Variants in PDZRN4 observed in about 807,000 individuals in gnomAD.
PDZRN4 encodes PDZ domain containing ring finger 4.
PDZRN4 carries 70 observed loss-of-function variants against 99.0 expected under a neutral mutation model. The observed-to-expected ratio is 0.71, with a 90% CI of 0.58 to 0.86. PDZRN4 has a LOEUF of 0.86. Among genes scored for constraint, PDZRN4 ranks in the 40% least tolerant of loss-of-function variants. The pLI, the probability that PDZRN4 is intolerant of heterozygous loss-of-function variation, is 0.00. For missense variants in PDZRN4, 1,474 were observed against 1,331.2 expected, an observed-to-expected ratio of 1.11 and a Z score of -1.67; for synonymous variants, 551 against 501.6, an observed-to-expected ratio of 1.10 and a Z score of -1.32.
intron 3 of PDZRN4, among the ~76,000 whole-genome samples, chr12:41,230,128 AG>A (rs1452827438): frequency 6.6e-6 from 1 of 151,992 alleles, no homozygotes; most frequent in African/African-American, 2.4e-5. Context: ...GCTGCTGGGG[AG>A]GGCACTATGT....
At chr12:41,308,984 A>T (rs1951588559) in intron 3 of PDZRN4, among the ~76,000 whole-genome samples, 1 of 152,148 alleles carries the variant, frequency 6.6e-6, no homozygotes, top group African/African-American at 2.4e-5. Flanking sequence ...AAAAGCTTAT[A>T]TTCCTATTTA....
At chr12:41,248,843 T>C (rs1156590207) in intron 3 of PDZRN4, among the ~76,000 whole-genome samples, 1 of 152,184 alleles carries the variant, frequency 6.6e-6, no homozygotes, top group Non-Finnish European at 1.5e-5. Flanking sequence ...GATTATTTGC[T>C]TGGCGTAATG....
chr12:41,263,456 G>T (rs1951256632), intron 3 of PDZRN4, among the ~76,000 whole-genome samples: 1 of 152,154 alleles, frequency 6.6e-6, no homozygotes, highest in African/African-American at 2.4e-5. Flanking sequence ...GGTGGCCAAG[G>T]CGGGAGGATC....
At chr12:41,410,888 A>G (rs370836438) in intron 3 of PDZRN4, among the ~76,000 whole-genome samples, 11 of 152,018 alleles carry the variant, frequency 7.2e-5, no homozygotes, top group Middle Eastern at 3.4e-3. Flanking sequence ...GATATTTTCT[A>G]TTTTGAGACA....
intron 3 of PDZRN4, among the ~76,000 whole-genome samples, chr12:41,310,862 G>A (rs1286525711): frequency 6.6e-6 from 1 of 151,920 alleles, no homozygotes; most frequent in African/African-American, 2.4e-5. Context: ...TACATAAAAG[G>A]GTTTTTTGTA....
intron 3 of PDZRN4, among the ~76,000 whole-genome samples, chr12:41,387,902 T>G (rs763090293): frequency 6.6e-6 from 1 of 152,212 alleles, no homozygotes; most frequent in African/African-American, 2.4e-5. Flanking sequence ...GAAATACCAT[T>G]TGACCCAGCA....
At chr12:41,413,622 G>A (rs1952417041) in intron 3 of PDZRN4, among the ~76,000 whole-genome samples, 1 of 152,036 alleles carries the variant, frequency 6.6e-6, no homozygotes, top group Non-Finnish European at 1.5e-5. Context: ...CACATATAAT[G>A]TTTATTCATT....
chr12:41,198,212 C>G (rs149799085), intron 3 of PDZRN4, among the ~76,000 whole-genome samples: 2 of 152,078 alleles, frequency 1.3e-5, no homozygotes, highest in East Asian at 3.9e-4. Flanking sequence ...GCCATAGTGC[C>G]CAGTCTCCTC....
chr12:41,549,868 G>A (rs1382372547), intron 5 of PDZRN4, among the ~76,000 whole-genome samples: 1 of 152,146 alleles, frequency 6.6e-6, no homozygotes, highest in Non-Finnish European at 1.5e-5. Flanking sequence ...ACTCCAAGGA[G>A]CTGAAAGGAA....
chr12:41,475,449 T>C (rs1953032514), intron 3 of PDZRN4, among the ~76,000 whole-genome samples: 3 of 152,216 alleles, frequency 2.0e-5, no homozygotes, highest in Admixed American at 6.5e-5. Flanking sequence ...AATATATGAC[T>C]ATTGCTTTCA....
At chr12:41,236,828 G>A (rs902334463) in intron 3 of PDZRN4, among the ~76,000 whole-genome samples, 1 of 152,090 alleles carries the variant, frequency 6.6e-6, no homozygotes, top group Non-Finnish European at 1.5e-5. Context: ...GGTGTGATAA[G>A]ACCATAGATA....
chr12:41,267,274 C>A (rs781659431), intron 3 of PDZRN4, among the ~76,000 whole-genome samples: 1 of 152,080 alleles, frequency 6.6e-6, no homozygotes, highest in African/African-American at 2.4e-5. Context: ...CCCTCCTGTG[C>A]CTGTGGCAGA....
rs367991366 is a variant in PDZRN4, at chr12:41,338,167, C to T, written c.843+143979C>T. Among the ~76,000 whole-genome samples, 23 of 152,036 alleles carry T rather than the reference C, an allele frequency of 1.5e-4. No homozygotes were observed. In the East Asian group the frequency reaches 1.7e-3, roughly 12 times the overall value. ...TGTATCTTGTCTATATCTAAGTATG[C>T]GACTATAGTATATAATTTTGTTATT... On this transcript the variant is annotated intron_variant, in intron 3 of 9. Transcript: ENST00000402685.
chr12:41,207,280 C>CATACTTAATTAA (rs1261425791), intron 3 of PDZRN4, among the ~76,000 whole-genome samples: 1 of 151,664 alleles, frequency 6.6e-6, no homozygotes, highest in African/African-American at 2.4e-5. Flanking sequence ...GTCATTGAGG[C>CATACTTAATTAA]ATACTTAATT....
intron 3 of PDZRN4, among the ~76,000 whole-genome samples, chr12:41,319,205 G>C (rs1565550586): frequency 6.6e-6 from 1 of 152,118 alleles, no homozygotes; most frequent in Non-Finnish European, 1.5e-5. Context: ...GCCTCCCTAA[G>C]ATTTCACAGA....
At chr12:41,451,849 G>A (rs979372156) in intron 3 of PDZRN4, among the ~76,000 whole-genome samples, 2 of 151,964 alleles carry the variant, frequency 1.3e-5, no homozygotes, top group Non-Finnish European at 2.9e-5. Context: ...TCACACCAAA[G>A]ATACCTCATT....
chr12:41,519,585 G>A (rs946341695), intron 5 of PDZRN4, among the ~76,000 whole-genome samples: 3 of 151,592 alleles, frequency 2.0e-5, no homozygotes, highest in African/African-American at 7.3e-5. Flanking sequence ...CTCCTCTGCT[G>A]AAAATTCTTC....
At chr12:41,233,300 G>C (rs1951041654) in intron 3 of PDZRN4, among the ~76,000 whole-genome samples, 1 of 152,142 alleles carries the variant, frequency 6.6e-6, no homozygotes, top group African/African-American at 2.4e-5. Context: ...AGGTGCTGGA[G>C]AGGATGTGGA....
chr12:41,401,875 C>T (rs1037772009), intron 3 of PDZRN4, among the ~76,000 whole-genome samples: 1 of 151,614 alleles, frequency 6.6e-6, no homozygotes, highest in Non-Finnish European at 1.5e-5. Flanking sequence ...TCCCCCTCTT[C>T]GTTGTGTGAA....
Sources: gnomAD v4.1 joint callset for allele counts (sites outside exome capture counted in the v4.1 genomes callset) on GRCh38, gnomAD v4.1.1 for gene constraint, MANE v1.5 for transcripts, NCBI Gene and HGNC (gene_info 2026-07-23, HGNC 2026-07-21) for gene names.